PPM1L: variants seen among roughly 807,000 people sequenced by gnomAD.
The protein encoded by PPM1L is protein phosphatase, Mg2+/Mn2+ dependent 1L.
PPM1L carries 13 observed loss-of-function variants against 31.4 expected under a neutral mutation model. The ratio of observed to expected loss-of-function variants is 0.41; its 90% CI spans 0.27 to 0.66. The LOEUF (loss-of-function observed/expected upper bound fraction) is 0.66. Among genes scored for constraint, PPM1L ranks in the 30% least tolerant of loss-of-function variants. The pLI, the probability that PPM1L is intolerant of heterozygous loss-of-function variation, is 0.29. For missense variants in PPM1L, 326 were observed against 453.7 expected (o/e 0.72, Z 2.56); for synonymous variants, 184 against 175.4 (o/e 1.05, Z -0.39).
intron 1 of PPM1L, among the ~76,000 whole-genome samples, chr3:160,823,794 A>G (rs1413713888): frequency 6.6e-6 from 1 of 152,086 alleles, no homozygotes; most frequent in Non-Finnish European, 1.5e-5. Flanking sequence ...AGATAATGTA[A>G]TTTGTTTAAG....
At chr3:160,769,836 C>T (rs1715202880) in intron 1 of PPM1L, among the ~76,000 whole-genome samples, 1 of 151,978 alleles carries the variant, frequency 6.6e-6, no homozygotes, top group East Asian at 1.9e-4. Context: ...CTACTCCAGG[C>T]CAAAGAGGGG....
At chr3:160,907,020 C>T (rs1469324452) in intron 1 of PPM1L, among the ~76,000 whole-genome samples, 2 of 152,210 alleles carry the variant, frequency 1.3e-5, no homozygotes, top group Non-Finnish European at 2.9e-5. Flanking sequence ...AGGCAAGTCA[C>T]TTGGTCCAGC....
At chr3:160,820,235 A>G (rs988418564) in intron 1 of PPM1L, among the ~76,000 whole-genome samples, 2 of 151,964 alleles carry the variant, frequency 1.3e-5, no homozygotes, top group African/African-American at 2.4e-5. Context: ...TTATTCATCA[A>G]CTCTTTATGT....
At chr3:161,012,447 A>C (rs986931807) in intron 2 of PPM1L, among the ~76,000 whole-genome samples, 8 of 152,184 alleles carry the variant, frequency 5.3e-5, no homozygotes, top group Middle Eastern at 3.4e-3. Context: ...TTTTTGCATC[A>C]ATGTTAATCA....
intron 1 of PPM1L, among the ~76,000 whole-genome samples, chr3:160,943,247 G>A (rs1715218989): frequency 6.6e-6 from 1 of 152,256 alleles, no homozygotes; most frequent in African/African-American, 2.4e-5. Flanking sequence ...GTGTTCCCAA[G>A]GTAGCCCTAA....
At chr3:160,845,581 A>G (rs1714052154) in intron 1 of PPM1L, among the ~76,000 whole-genome samples, 1 of 151,988 alleles carries the variant, frequency 6.6e-6, no homozygotes, top group Admixed American at 6.6e-5. Context: ...GCCTAAGCCA[A>G]GGTCACAAAT....
At chr3:160,766,290 T>G (rs1357618946) in intron 1 of PPM1L, among the ~76,000 whole-genome samples, 3 of 152,214 alleles carry the variant, frequency 2.0e-5, no homozygotes, top group Non-Finnish European at 4.4e-5. Context: ...ATATATGATA[T>G]GGTCTGGGTC....
rs1378926207 is a variant in PPM1L at position 161,078,359 on chromosome 3, C to G, written c.*9202C>G. ...CTATTTCAACATCATGAAAATTTTT[C>G]CATCAGCATTTTCTTGCAACTTTAA... On this transcript the variant is annotated 3_prime_UTR_variant, in exon 4 of 4. Transcript: ENST00000498165. The G allele has an allele frequency of 1.3e-5, 2 of 152,146 alleles. No homozygotes were observed. The highest frequency in any genetic ancestry group is 2.9e-5 in the Non-Finnish European group (2 of 68,020). The allele number at this position is 152,146 out of a possible 1,614,324, so 9.4% of individuals were successfully genotyped here.
chr3:160,798,680 A>G (rs1461312950), intron 1 of PPM1L, among the ~76,000 whole-genome samples: 6 of 152,244 alleles, frequency 3.9e-5, no homozygotes, highest in African/African-American at 1.4e-4. Flanking sequence ...GAGATGTACA[A>G]GGAAATTAAT....
intron 2 of PPM1L, among the ~76,000 whole-genome samples, chr3:160,969,629 T>C (rs1455262798): frequency 1.3e-5 from 2 of 152,110 alleles, no homozygotes; most frequent in African/African-American, 4.8e-5. Context: ...AGGGAAGAGG[T>C]GACACTAAGG....
At chr3:160,975,184 G>T (rs1301490582) in intron 2 of PPM1L, among the ~76,000 whole-genome samples, 4 of 152,120 alleles carry the variant, frequency 2.6e-5, no homozygotes, top group African/African-American at 9.7e-5. Context: ...GATAGTTGTA[G>T]ATATGCGGCG....
intron 1 of PPM1L, among the ~76,000 whole-genome samples, chr3:160,900,105 C>T (rs529365728): frequency 3.2e-4 from 48 of 151,976 alleles, no homozygotes; most frequent in Admixed American, 2.9e-3. Flanking sequence ...TCCATCTTTG[C>T]TGTATTTTTT....
intron 1 of PPM1L, among the ~76,000 whole-genome samples, chr3:160,875,106 A>G (rs774828950): frequency 1.3e-5 from 2 of 152,212 alleles, no homozygotes; most frequent in Admixed American, 1.3e-4. Flanking sequence ...TATGGCATAT[A>G]TATATTTCCA....
At chr3:160,812,673 T>C (rs1712846897) in intron 1 of PPM1L, among the ~76,000 whole-genome samples, 1 of 152,096 alleles carries the variant, frequency 6.6e-6, no homozygotes, top group African/African-American at 2.4e-5. Context: ...CAAGAGAGTA[T>C]GCAAAGACAG....
At chr3:160,860,734 GA>G in intron 1 of PPM1L, among the ~76,000 whole-genome samples, 1 of 152,158 alleles carries the variant, frequency 6.6e-6, no homozygotes, top group East Asian at 1.9e-4. Context: ...TGGAGGCTGG[GA>G]AGTCCAAGAT....
chr3:160,847,913 T>C (rs1020084296), intron 1 of PPM1L, among the ~76,000 whole-genome samples: 3 of 152,176 alleles, frequency 2.0e-5, no homozygotes, highest in African/African-American at 7.2e-5. Context: ...CTGTACAAGT[T>C]GCTATGTTCC....
chr3:161,032,631 A>T (rs1292598660), intron 2 of PPM1L, among the ~76,000 whole-genome samples: 3 of 151,850 alleles, frequency 2.0e-5, no homozygotes, highest in Admixed American at 1.3e-4. Flanking sequence ...GCAGATTTTG[A>T]AGGCTTGGAG....
chr3:160,761,722 A>G (rs1213248552), intron 1 of PPM1L, among the ~76,000 whole-genome samples: 1 of 152,214 alleles, frequency 6.6e-6, no homozygotes, highest in East Asian at 1.9e-4. Context: ...AAGGCTGGGA[A>G]ATTTACAAAA....
chr3:160,858,852 T>C (rs1461039672), intron 1 of PPM1L, among the ~76,000 whole-genome samples: 6 of 152,148 alleles, frequency 3.9e-5, no homozygotes, highest in Non-Finnish European at 8.8e-5. Context: ...TAGACACTTG[T>C]TTTTTCTGCT....
Sources: allele counts gnomAD v4.1 joint callset (sites outside exome capture counted in the v4.1 genomes callset), GRCh38; gene constraint gnomAD v4.1.1; transcripts MANE v1.5; gene names NCBI Gene and HGNC (gene_info 2026-07-23, HGNC 2026-07-21).